Variants in SPAG16 observed in about 807,000 individuals in gnomAD.
The protein encoded by SPAG16 is sperm-associated antigen 16 protein.
A neutral mutation model predicts 80.4 loss-of-function variants in SPAG16; 86 were observed. The ratio of observed to expected loss-of-function variants is 1.07; its 90% CI spans 0.90 to 1.28. SPAG16 has a LOEUF of 1.28. Ranked by LOEUF, SPAG16 falls within the 50% of genes most tolerant of loss-of-function variation. SPAG16 has a pLI of 0.00. For synonymous variants in SPAG16, 294 were observed against 265.9 expected, an observed-to-expected ratio of 1.11 and a Z score of -1.03; for missense variants, 870 against 765.3, an observed-to-expected ratio of 1.14 and a Z score of -1.61.
At chr2:213,492,579 A>T (rs1430471060) in intron 10 of SPAG16, among the ~76,000 whole-genome samples, 2 of 151,534 alleles carry the variant, frequency 1.3e-5, no homozygotes, top group Admixed American at 1.3e-4. Context: ...CCAAAAGAAA[A>T]CAGATACCAC....
rs143878054 is a variant in SPAG16 at position 213,314,947 on chromosome 2, A to G, written c.399-2272A>G. Among the ~76,000 whole-genome samples the G allele has an allele frequency of 1.3e-3, 194 of 151,962 alleles. 5 individuals carry two copies. In the East Asian group the frequency reaches 0.027, roughly 21 times the overall value. On this transcript the variant is annotated intron_variant, in intron 4 of 15. Coordinates refer to ENST00000331683, the MANE Select transcript of SPAG16 (RefSeq NM_024532.5). ...ATTCAATTATCTTAATCTTCAGGAT[A>G]TTCTATGGGGGGGTCCTCTTGCTCT...
chr2:213,393,791 C>T (rs2067895257), intron 9 of SPAG16, among the ~76,000 whole-genome samples: 1 of 151,624 alleles, frequency 6.6e-6, no homozygotes, highest in Non-Finnish European at 1.5e-5. Context: ...TTTTATTTTT[C>T]CCAAGCAAAT....
At position 213,375,009 on chromosome 2, in the gene SPAG16, GT is replaced by G; in HGVS notation, c.834del (p.Asp279IlefsTer31). 6.3e-7 allele frequency: 1 copy of G among 1,590,226 alleles called. No homozygotes were observed. Among genetic ancestry groups the G allele is most frequent in the Non-Finnish European group, 8.6e-7 (1 of 1,165,722 alleles). ...GHSYHGPQIK[V>X]DHSREKENAP... ...TAAGAATAAATTATATTATCTTGTA[GT>G]TGATCATAGTCGTGAAAAAGAAAAT... On this transcript the variant is annotated frameshift_variant and splice_region_variant, in exon 9 of 16. Coordinates refer to ENST00000331683, the MANE Select transcript of SPAG16 (RefSeq NM_024532.5). LOFTEE classifies it high-confidence loss of function.
At chr2:213,424,141 T>C (rs895511297) in intron 9 of SPAG16, among the ~76,000 whole-genome samples, 6 of 152,308 alleles carry the variant, frequency 3.9e-5, no homozygotes, top group Middle Eastern at 3.4e-3. Flanking sequence ...CAGGATGTTA[T>C]AGTGAACACT....
chr2:214,335,121 G>A (rs1001514395), intron 15 of SPAG16, among the ~76,000 whole-genome samples: 4 of 152,106 alleles, frequency 2.6e-5, no homozygotes, highest in East Asian at 1.9e-4. Flanking sequence ...TTGAAGCTGC[G>A]GTGGCCCTTC....
intron 10 of SPAG16, among the ~76,000 whole-genome samples, chr2:213,665,728 A>C (rs1368464379): frequency 6.6e-6 from 1 of 152,160 alleles, no homozygotes; most frequent in Non-Finnish European, 1.5e-5. Context: ...TAAATTAATT[A>C]ACATTGAATT....
intron 10 of SPAG16, among the ~76,000 whole-genome samples, chr2:213,807,889 T>C (rs1183563808): frequency 6.6e-6 from 1 of 152,230 alleles, no homozygotes; most frequent in African/African-American, 2.4e-5. Flanking sequence ...GAAAGACCTG[T>C]CAACTTAAAT....
At chr2:213,424,457 A>G (rs888129299) in intron 9 of SPAG16, among the ~76,000 whole-genome samples, 1 of 152,230 alleles carries the variant, frequency 6.6e-6, no homozygotes, top group Non-Finnish European at 1.5e-5. Context: ...TAGCAGAGTC[A>G]TATTAAGATA....
intron 1 of SPAG16, among the ~76,000 whole-genome samples, chr2:213,288,246 A>C (rs1031131637): frequency 1.3e-5 from 2 of 151,924 alleles, no homozygotes; most frequent in African/African-American, 4.8e-5. Context: ...AGTTCTATCT[A>C]GTCTTTCATT....
rs867537835 is a variant in SPAG16 at position 213,561,181 on chromosome 2, G to A, written c.1070+71091G>A. ...GCCAGGCCAGCAACCATTAGCTTTT[G>A]TCCAGTTTCCTCCATCTTCCCAAAT... is the stretch of plus-strand genomic sequence containing the variant. On this transcript the variant is annotated intron_variant, in intron 10 of 15. Coordinates refer to ENST00000331683, the MANE Select transcript of SPAG16 (RefSeq NM_024532.5). 4.6e-5 allele frequency among the ~76,000 whole-genome samples: 7 copies of A among 152,188 alleles called. No individual in the cohort carries two copies. In the South Asian group the frequency reaches 1.2e-3, roughly 27 times the overall value.
At chr2:213,943,100 G>A (rs1017822349) in intron 12 of SPAG16, among the ~76,000 whole-genome samples, 4 of 152,210 alleles carry the variant, frequency 2.6e-5, no homozygotes, top group South Asian at 2.1e-4. Flanking sequence ...TAGATTTCCC[G>A]GCCTCCAGAA....
At chr2:214,267,169 T>TA (rs1023228844) in intron 15 of SPAG16, among the ~76,000 whole-genome samples, 10 of 151,642 alleles carry the variant, frequency 6.6e-5, no homozygotes, top group Non-Finnish European at 1.2e-4. Flanking sequence ...AAAAGATTTT[T>TA]AAAAAAAGAT....
At chr2:214,154,293 G>A (rs2056114265) in intron 15 of SPAG16, among the ~76,000 whole-genome samples, 1 of 152,034 alleles carries the variant, frequency 6.6e-6, no homozygotes, top group African/African-American at 2.4e-5. Context: ...CAGGAAATTT[G>A]CAAAGAAGTC....
chr2:213,827,407 A>ATGACAAC (rs1346756014), intron 10 of SPAG16, among the ~76,000 whole-genome samples: 3 of 152,094 alleles, frequency 2.0e-5, no homozygotes, highest in Non-Finnish European at 4.4e-5. Flanking sequence ...TTTTAAACTA[A>ATGACAAC]TGACAACTTG....
In SPAG16 at chr2:213,859,993, TTGA is replaced by T. The variant is rs112613257; in HGVS notation, c.1071-2467_1071-2465del. 8.9e-3 allele frequency among the ~76,000 whole-genome samples: 1,346 copies of T among 150,654 alleles called. 24 individuals carry two copies. Among genetic ancestry groups the T allele is most frequent in the African/African-American group, 0.03 (1,214 of 41,098 alleles). On this transcript the variant is annotated intron_variant, in intron 10 of 15. Transcript: ENST00000331683. ...CAATGTTAAATATCATTACCATTAG[TTGA>T]TGATGATGATGATGATGATGATGAC...
intron 10 of SPAG16, among the ~76,000 whole-genome samples, chr2:213,637,874 A>T (rs915966372): frequency 6.6e-6 from 1 of 152,118 alleles, no homozygotes; most frequent in East Asian, 1.9e-4. Context: ...CTCCTGGCTC[A>T]GCCTCCTGAG....
chr2:213,729,852 G>A (rs568925665), intron 10 of SPAG16, among the ~76,000 whole-genome samples: 1 of 152,290 alleles, frequency 6.6e-6, no homozygotes, highest in Non-Finnish European at 1.5e-5. Context: ...GGTGAGAACA[G>A]ACTAACATCA....
At chr2:214,017,204 G>C (rs1189487075) in intron 13 of SPAG16, among the ~76,000 whole-genome samples, 1 of 152,042 alleles carries the variant, frequency 6.6e-6, no homozygotes, top group African/African-American at 2.4e-5. Context: ...AAATCAGGAT[G>C]ATTTTTTGTT....
intron 12 of SPAG16, among the ~76,000 whole-genome samples, chr2:214,000,808 A>C (rs770753793): frequency 6.6e-6 from 1 of 152,202 alleles, no homozygotes; most frequent in Admixed American, 6.5e-5. Context: ...AGCTCTGCGC[A>C]TGAGGAAACA....
Sources: allele counts gnomAD v4.1 joint callset (sites outside exome capture counted in the v4.1 genomes callset), GRCh38; gene constraint gnomAD v4.1.1; transcripts MANE v1.5; gene names NCBI Gene and HGNC (gene_info 2026-07-23, HGNC 2026-07-21).